COL21A1: variants seen among roughly 807,000 people sequenced by gnomAD.
COL21A1 encodes the protein collagen alpha-1(XXI) chain.
A neutral mutation model predicts 137.9 loss-of-function variants in COL21A1; 149 were observed. That is an observed-to-expected ratio of 1.08 (90% CI 0.95 to 1.24). The LOEUF (loss-of-function observed/expected upper bound fraction) is 1.24. Among genes scored for constraint, COL21A1 ranks in the 50% most tolerant of loss-of-function variants. The pLI, the probability that COL21A1 is intolerant of heterozygous loss-of-function variation, is 0.00. For synonymous variants in COL21A1, 456 were observed against 391.5 expected, an observed-to-expected ratio of 1.16 and a Z score of -1.95; for missense variants, 1,167 against 1,158.4, an observed-to-expected ratio of 1.01 and a Z score of -0.11.
intron 1 of COL21A1, among the ~76,000 whole-genome samples, chr6:56,348,629 C>A (rs1017792048): frequency 6.6e-6 from 1 of 152,030 alleles, no homozygotes; most frequent in Non-Finnish European, 1.5e-5. Flanking sequence ...GCTGGGAGAC[C>A]AGAAAGAGCC....
At chr6:56,071,839 T>C (rs1337295822) in intron 20 of COL21A1, among the ~76,000 whole-genome samples, 2 of 151,580 alleles carry the variant, frequency 1.3e-5, no homozygotes, top group Admixed American at 1.3e-4. Flanking sequence ...TTCTGGGTTA[T>C]ATGTGCAGGA....
chr6:56,148,338 C>CAGAGAGAGAGGGAGAGAGAG (rs1775004134), intron 10 of COL21A1, among the ~76,000 whole-genome samples: 1 of 133,176 alleles, frequency 7.5e-6, no homozygotes, highest in Non-Finnish European at 1.6e-5. Flanking sequence ...AGACAAGAGA[C>CAGAGAGAGAGGGAGAGAGAG]AGAGAGAGAG....
Position 56,185,252 on chromosome 6 carries a change from ATAAT to A in COL21A1, c.-38-2600_-38-2597del, listed in dbSNP as rs2152285271. On this transcript the variant is annotated intron_variant, in intron 1 of 29. Coordinates refer to ENST00000244728, the MANE Select transcript of COL21A1 (RefSeq NM_030820.4). ...AATTTGAAAGACAATTAAAAAATAA[ATAAT>A]TAAAAAGTTAATTCTTTGGACAAAT... Among the ~76,000 whole-genome samples the A allele has an allele frequency of 2.6e-5, 4 of 152,114 alleles. No homozygotes were observed. The South Asian group carries it at 8.3e-4, about 32-fold the overall frequency.
chr6:56,238,761 C>T (rs1053689982), intron 1 of COL21A1, among the ~76,000 whole-genome samples: 1 of 152,152 alleles, frequency 6.6e-6, no homozygotes, highest in Admixed American at 6.5e-5. Context: ...TCCAGGTCCT[C>T]AGTTACATGA....
intron 18 of COL21A1, among the ~76,000 whole-genome samples, chr6:56,075,781 G>A (rs1392746297): frequency 4.0e-5 from 6 of 151,424 alleles, no homozygotes; most frequent in African/African-American, 1.5e-4. Flanking sequence ...GGAAGACCTA[G>A]TAGCTTAGAT....
intron 1 of COL21A1, among the ~76,000 whole-genome samples, chr6:56,382,458 G>C (rs2094010283): frequency 6.6e-6 from 1 of 152,178 alleles, no homozygotes; most frequent in African/African-American, 2.4e-5. Flanking sequence ...TGTCTGCTAT[G>C]AACTAAATTG....
At chr6:56,073,481 T>C (rs1444995931) in intron 20 of COL21A1, among the ~76,000 whole-genome samples, 1 of 151,628 alleles carries the variant, frequency 6.6e-6, no homozygotes, top group East Asian at 1.9e-4. Context: ...TCTATTCCCC[T>C]GAGGCAATGC....
At chr6:56,102,097 A>C (rs532177119) in intron 16 of COL21A1, among the ~76,000 whole-genome samples, 26 of 152,310 alleles carry the variant, frequency 1.7e-4, no homozygotes, top group Admixed American at 3.9e-4. Flanking sequence ...TTACATTACT[A>C]TGCTCAGGTT....
chr6:56,330,672 T>G (rs571187748), intron 1 of COL21A1, among the ~76,000 whole-genome samples: 1 of 152,188 alleles, frequency 6.6e-6, no homozygotes, highest in Non-Finnish European at 1.5e-5. Context: ...CACTCACAGT[T>G]TGGAGTCTCC....
intron 1 of COL21A1, among the ~76,000 whole-genome samples, chr6:56,321,417 T>G (rs1465727490): frequency 6.6e-6 from 1 of 152,224 alleles, no homozygotes; most frequent in East Asian, 1.9e-4. Context: ...GCATTTGCCA[T>G]TTGATATTGG....
chr6:56,075,446 C>T (rs1246695505), intron 19 of COL21A1, 33 bp downstream of exon 19: 2 of 1,523,450 alleles, frequency 1.3e-6, no homozygotes, highest in Non-Finnish European at 1.8e-6. Context: ...ACTGCAAACA[C>T]TTTGATGTAT....
In COL21A1 at chr6:56,179,957, C is replaced by T. The variant is rs1480309769; in HGVS notation, c.261G>A (p.Leu87=). The T allele has an allele frequency of 6.2e-7, 1 of 1,613,910 alleles. No individual in the cohort carries two copies. The highest frequency in any genetic ancestry group is 1.3e-5 in the African/African-American group (1 of 75,016). Residue 87 remains leucine (L), a synonymous_variant, in exon 3 of 30, where the codon CTG becomes CTA. Transcript: ENST00000244728. ...GVVQYSDYPV[L]EIPLGSYDSG... ...AATCATAGCTTCCGAGAGGAATCTC[C>T]AGCACAGGGTAGTCACTATATTGAA...
intron 1 of COL21A1, among the ~76,000 whole-genome samples, chr6:56,203,741 A>G (rs1779559981): frequency 6.6e-6 from 1 of 152,176 alleles, no homozygotes; most frequent in African/African-American, 2.4e-5. Context: ...AAGGTGGGTG[A>G]TTTCTGCATT....
intron 1 of COL21A1, among the ~76,000 whole-genome samples, chr6:56,316,535 G>A (rs1026207152): frequency 7.3e-6 from 1 of 137,728 alleles, no homozygotes; most frequent in Non-Finnish European, 1.5e-5. Flanking sequence ...AGGCGGGAGT[G>A]CAGTTGCGTG....
intron 17 of COL21A1, among the ~76,000 whole-genome samples, chr6:56,095,906 G>T (rs1269845963): frequency 6.6e-6 from 1 of 152,072 alleles, no homozygotes; most frequent in Non-Finnish European, 1.5e-5. Context: ...GAGTGCAGTG[G>T]CATGATCTTG....
At position 56,187,132 on chromosome 6, in the gene COL21A1, G is replaced by C. The variant is rs370755905; in HGVS notation, c.-38-4476C>G. Among the ~76,000 whole-genome samples, 23 of 152,286 alleles carry C rather than the reference G, an allele frequency of 1.5e-4. 2 individuals carry two copies. The highest frequency in any genetic ancestry group is 5.5e-4 in the African/African-American group (23 of 41,576). ...CCAAAGTCTAAGGGCGAAATCTGGT[G>C]AGGACCTTACAGCTGGTGGGGGTTT... On this transcript the variant is annotated intron_variant, in intron 1 of 29. Coordinates refer to ENST00000244728, the MANE Select transcript of COL21A1 (RefSeq NM_030820.4).
chr6:56,372,163 A>G (rs2093990716), intron 1 of COL21A1, among the ~76,000 whole-genome samples: 1 of 152,184 alleles, frequency 6.6e-6, no homozygotes, highest in Non-Finnish European at 1.5e-5. Context: ...TTCTAATCAA[A>G]TGTTTACAAA....
intron 1 of COL21A1, among the ~76,000 whole-genome samples, chr6:56,393,094 C>T (rs1263490232): frequency 6.7e-6 from 1 of 150,000 alleles, no homozygotes; most frequent in Non-Finnish European, 1.5e-5. Flanking sequence ...TATCTGACTT[C>T]ACATTATACC....
chr6:56,358,152 G>T (rs1231103376), intron 1 of COL21A1, among the ~76,000 whole-genome samples: 1 of 151,996 alleles, frequency 6.6e-6, no homozygotes, highest in Non-Finnish European at 1.5e-5. Context: ...ATGATGATGT[G>T]TCACTTTTGA....
Sources: gnomAD v4.1 joint callset for allele counts (sites outside exome capture counted in the v4.1 genomes callset) on GRCh38, gnomAD v4.1.1 for gene constraint, MANE v1.5 for transcripts, NCBI Gene and HGNC (gene_info 2026-07-23, HGNC 2026-07-21) for gene names.